RGS10: variants seen among roughly 807,000 people sequenced by gnomAD.
RGS10 encodes the protein regulator of G protein signaling 10.
Under a neutral mutation model 23.5 loss-of-function variants are expected in RGS10, and 11 were observed. The ratio of observed to expected loss-of-function variants is 0.47; its 90% CI spans 0.29 to 0.77. RGS10 has a LOEUF of 0.77. Among genes scored for constraint, RGS10 ranks in the 30% least tolerant of loss-of-function variants. The pLI is 0.08. For synonymous variants in RGS10, 77 were observed against 83.2 expected (o/e 0.92, Z 0.41); for missense variants, 180 against 226.3 (o/e 0.80, Z 1.31).
intron 3 of RGS10, 116 bp from the exon 4 acceptor site, chr10:119,515,768 C>T (rs1451840693): frequency 3.1e-6 from 4 of 1,279,230 alleles, no homozygotes; most frequent in Non-Finnish European, 4.3e-6. Context: ...AAAGGCACCC[C>T]CCACAGCCCA....
intron 1 of RGS10, among the ~76,000 whole-genome samples, chr10:119,533,259 G>A (rs892811747): frequency 2.6e-5 from 4 of 151,372 alleles, no homozygotes; most frequent in African/African-American, 9.7e-5. Flanking sequence ...TTGAACCCGG[G>A]AGGCGGAAGT....
Position 119,527,947 on chromosome 10 carries a change from G to C in RGS10, c.50-523C>G, listed in dbSNP as rs974237558. On this transcript the variant is annotated intron_variant, in intron 1 of 4. Transcript: ENST00000369103. The surrounding 1 kb of genome is among the most constrained non-coding windows in gnomAD (Gnocchi z 4.2). ...GAGATTAAAAAACTCATTGCAGGACGGGACCCACGTGATGGCGCAAAATGT... is the reference window on the plus strand; with the variant it reads ...GAGATTAAAAAACTCATTGCAGGACCGGACCCACGTGATGGCGCAAAATGT... Among the ~76,000 whole-genome samples, 2 of 152,100 alleles carry C rather than the reference G, an allele frequency of 1.3e-5. No individual in the cohort carries two copies. Among genetic ancestry groups the C allele is most frequent in the Admixed American group, 6.6e-5 (1 of 15,258 alleles).
intron 1 of RGS10, among the ~76,000 whole-genome samples, chr10:119,534,021 G>A (rs1218301878): frequency 3.9e-5 from 6 of 151,926 alleles, no homozygotes; most frequent in East Asian, 1.9e-4. Flanking sequence ...TTGGGAGGCC[G>A]AGGTGGGTGG....
At chr10:119,523,624 C>T (rs1177147480) in intron 3 of RGS10, among the ~76,000 whole-genome samples, 1 of 152,176 alleles carries the variant, frequency 6.6e-6, no homozygotes, top group Non-Finnish European at 1.5e-5. Context: ...AAGACCTCAC[C>T]ACTGCACTCC....
intron 4 of RGS10, among the ~76,000 whole-genome samples, chr10:119,500,641 TGTAGAGACAGTG>T (rs1843941817): frequency 6.6e-6 from 1 of 151,574 alleles, no homozygotes; most frequent in African/African-American, 2.4e-5. Context: ...AAACCATTTC[TGTAGAGACAGTG>T]GTGTTAAAAA....
chr10:119,525,297 A>G (rs1465461985), intron 3 of RGS10, among the ~76,000 whole-genome samples: 1 of 152,156 alleles, frequency 6.6e-6, no homozygotes, highest in Non-Finnish European at 1.5e-5. Flanking sequence ...CAGGCCCTGA[A>G]CCACCAGCTG....
At chr10:119,534,514 C>T (rs1044990368) in intron 1 of RGS10, among the ~76,000 whole-genome samples, 1 of 150,008 alleles carries the variant, frequency 6.7e-6, no homozygotes, top group African/African-American at 2.5e-5. Flanking sequence ...TTGCTTGAAC[C>T]CAGGAGGCGG....
intron 3 of RGS10, among the ~76,000 whole-genome samples, chr10:119,516,713 C>T (rs1364613050): frequency 1.3e-5 from 2 of 152,166 alleles, no homozygotes; most frequent in Admixed American, 6.5e-5. Context: ...CGAAACTAAC[C>T]GAGGCTGGCT....
At chr10:119,532,702 G>A (rs909299022) in intron 1 of RGS10, among the ~76,000 whole-genome samples, 2 of 152,124 alleles carry the variant, frequency 1.3e-5, no homozygotes, top group African/African-American at 4.8e-5. Flanking sequence ...TTAGCCTGGA[G>A]TGGTGGTGCG....
intron 3 of RGS10, 147 bp from the exon 4 acceptor site, chr10:119,515,799 G>T: frequency 2.2e-6 from 2 of 917,902 alleles, no homozygotes; most frequent in Non-Finnish European, 3.2e-6. Flanking sequence ...GGCCACTCCA[G>T]AGAGAATTTC....
At chr10:119,505,802 T>C (rs1844006329) in intron 4 of RGS10, among the ~76,000 whole-genome samples, 1 of 152,184 alleles carries the variant, frequency 6.6e-6, no homozygotes, top group Non-Finnish European at 1.5e-5. Flanking sequence ...CTAATAAATA[T>C]TTTAACACTT....
At chr10:119,512,125 C>T (rs1271529710) in intron 4 of RGS10, among the ~76,000 whole-genome samples, 1 of 134,388 alleles carries the variant, frequency 7.4e-6, no homozygotes, top group African/African-American at 2.9e-5. Context: ...GCAGCGGAGC[C>T]GCACGTGGTG....
Position 119,527,350 on chromosome 10 carries a change from G to C in RGS10, c.124C>G (p.Leu42Val), listed in dbSNP as rs1427715524. The C allele has an allele frequency of 6.2e-7, 1 of 1,614,182 alleles. No homozygotes were observed. The highest frequency in any genetic ancestry group is 1.1e-5 in the South Asian group (1 of 91,078). ...LKSTAKWAAS[L>V]ENLLEDPEGV... is the part of the protein sequence containing the mutation. ...TCTGGGTCTTCCAGCAGATTCTCCAGGGATGCCGCCCATTTGGCTGTGCTC... is the reference window on the plus strand; with the variant it reads ...TCTGGGTCTTCCAGCAGATTCTCCACGGATGCCGCCCATTTGGCTGTGCTC... Residue 42 changes from leucine to valine, a missense_variant, in exon 2 of 5, where the codon CTG (leucine) becomes GTG (valine). Transcript: ENST00000369103. The surrounding 1 kb of genome is among the most constrained non-coding windows in gnomAD (Gnocchi z 4.2).
In RGS10 at chr10:119,542,694, C is replaced by G. The variant is rs1844447531; in HGVS notation, c.-56G>C. On this transcript the variant is annotated 5_prime_UTR_variant, in exon 1 of 5. Transcript: ENST00000369103. ...CAGCCCGGCGGCGCGGCGGCTGAGC[C>G]GGAGGAAGGCGAGGAGGAGGAGGAG... The G allele has an allele frequency of 2.3e-6, 3 of 1,317,200 alleles. No individual in the cohort carries two copies. Among genetic ancestry groups the G allele is most frequent in the Non-Finnish European group, 1.9e-6 (2 of 1,029,568 alleles). 81.6% of individuals were successfully genotyped at this position (1,317,200 alleles called of 1,614,324 possible). A position where few individuals can be genotyped will look rare whatever the true frequency, so the allele number is the denominator to read the frequency against.
chr10:119,513,572 C>T, intron 4 of RGS10, among the ~76,000 whole-genome samples: 1 of 152,106 alleles, frequency 6.6e-6, no homozygotes. Flanking sequence ...GCTAAGCCTC[C>T]CACTGAATGA....
intron 4 of RGS10, among the ~76,000 whole-genome samples, chr10:119,514,759 T>C (rs915068479): frequency 1.3e-5 from 2 of 151,962 alleles, no homozygotes; most frequent in Non-Finnish European, 1.5e-5. Flanking sequence ...TCAGTACAGG[T>C]TCGCAACCCT....
chr10:119,519,172 T>C (rs1974210), intron 3 of RGS10, among the ~76,000 whole-genome samples: 48,576 of 152,042 alleles, frequency 0.32, 7,850 homozygotes, highest in Middle Eastern at 0.38. Flanking sequence ...TCCTCTGGAG[T>C]GAGCTGGCCC....
chr10:119,536,436 A>T (rs763440113), intron 1 of RGS10: 5 of 1,610,186 alleles, frequency 3.1e-6, no homozygotes, highest in Non-Finnish European at 4.2e-6. Context: ...AACTGCGGAC[A>T]TGGAAAGGGG....
At chr10:119,503,939 A>G (rs1428185433) in intron 4 of RGS10, among the ~76,000 whole-genome samples, 1 of 152,168 alleles carries the variant, frequency 6.6e-6, no homozygotes, top group Non-Finnish European at 1.5e-5. Context: ...CAACATATGG[A>G]TTAGGGAGGG....
Sources: gnomAD v4.1 joint callset for allele counts (sites outside exome capture counted in the v4.1 genomes callset) on GRCh38, gnomAD v4.1.1 for gene constraint, Gnocchi (gnomAD v3.1) non-coding constraint, MANE v1.5 for transcripts, NCBI Gene and HGNC (gene_info 2026-07-23, HGNC 2026-07-21) for gene names.